The following SEMA6D variants were observed in gnomAD, a reference collection of about 807,000 sequenced individuals.
SEMA6D encodes the protein semaphorin 6D.
Under a neutral mutation model 106.6 loss-of-function variants are expected in SEMA6D, and 35 were observed. That is an observed-to-expected ratio of 0.33 (90% CI 0.25 to 0.44). The LOEUF is 0.44. SEMA6D is among the 20% of genes least tolerant of loss of function. The pLI is 1.00. For missense variants in SEMA6D, 1,185 were observed against 1,345.9 expected, an observed-to-expected ratio of 0.88 and a Z score of 1.87; for synonymous variants, 499 against 487.7, an observed-to-expected ratio of 1.02 and a Z score of -0.31.
chr15:47,434,884 C>T (rs1017064569), intron 2 of SEMA6D, among the ~76,000 whole-genome samples: 1 of 152,050 alleles, frequency 6.6e-6, no homozygotes, highest in African/African-American at 2.4e-5. Context: ...ATGGGGCCGT[C>T]CTTTGACCTT....
rs2082616023 is a variant in SEMA6D at position 47,771,317 on chromosome 15, C to A, written c.2754C>A (p.Val918=). The change falls in exon 19 of 19, where the codon GTC becomes GTA. Residue 918 remains valine, a synonymous_variant. Transcript: ENST00000536845. ...MLDPMGSMSE[V]PPKVPNREAS... is the part of the protein sequence containing the mutation. The stretch of plus-strand genomic sequence containing the variant: ...ATCCCATGGGATCGATGTCTGAGGT[C>A]CCACCTAAAGTCCCTAACCGGGAGG... 2 of 1,613,970 alleles carry A rather than the reference C, an allele frequency of 1.2e-6. No homozygotes were observed. Among genetic ancestry groups the A allele is most frequent in the South Asian group, 1.1e-5 (1 of 91,066 alleles).
chr15:47,213,052 G>T (rs147216976), intron 1 of SEMA6D, among the ~76,000 whole-genome samples: 1 of 131,994 alleles, frequency 7.6e-6, no homozygotes, highest in Non-Finnish European at 1.7e-5. Flanking sequence ...CTATCCAAGA[G>T]AACTTTCTGA....
chr15:47,664,181 C>T (rs1006820463), intron 4 of SEMA6D, among the ~76,000 whole-genome samples: 2 of 152,290 alleles, frequency 1.3e-5, no homozygotes, highest in Middle Eastern at 3.4e-3. Flanking sequence ...GCTCAACTAT[C>T]ATACATTTAT....
intron 1 of SEMA6D, among the ~76,000 whole-genome samples, chr15:47,294,776 A>G (rs907504735): frequency 1.3e-5 from 2 of 152,152 alleles, no homozygotes; most frequent in Admixed American, 6.6e-5. Flanking sequence ...TATAATTGAA[A>G]GGCTACCTAT....
At chr15:47,437,665 C>A (rs2041762638) in intron 2 of SEMA6D, among the ~76,000 whole-genome samples, 1 of 152,100 alleles carries the variant, frequency 6.6e-6, no homozygotes, top group South Asian at 2.1e-4. Flanking sequence ...CTGTCATTTT[C>A]TCTGACTAAA....
chr15:47,408,884 A>C (rs1181221966), intron 1 of SEMA6D, among the ~76,000 whole-genome samples: 1 of 152,234 alleles, frequency 6.6e-6, no homozygotes, highest in Non-Finnish European at 1.5e-5. Flanking sequence ...GCACACAGGC[A>C]GGAGTGCAGC....
At chr15:47,353,878 T>G (rs889832620) in intron 1 of SEMA6D, among the ~76,000 whole-genome samples, 1 of 152,176 alleles carries the variant, frequency 6.6e-6, no homozygotes, top group Non-Finnish European at 1.5e-5. Flanking sequence ...TTTTCCTTTT[T>G]TATTGAAAGC....
intron 1 of SEMA6D, among the ~76,000 whole-genome samples, chr15:47,724,313 G>A (rs2079602554): frequency 6.6e-6 from 1 of 152,204 alleles, no homozygotes. Flanking sequence ...GTGGGTACAG[G>A]GCAGGAGAGG....
At chr15:47,485,253 C>T (rs2043265112) in intron 3 of SEMA6D, among the ~76,000 whole-genome samples, 1 of 152,116 alleles carries the variant, frequency 6.6e-6, no homozygotes, top group Non-Finnish European at 1.5e-5. Flanking sequence ...ATTTATAGGT[C>T]CATATTAAAG....
intron 3 of SEMA6D, among the ~76,000 whole-genome samples, chr15:47,591,288 A>G (rs1267114839): frequency 6.6e-6 from 1 of 152,226 alleles, no homozygotes; most frequent in East Asian, 1.9e-4. Context: ...TGAAGTCCCC[A>G]CCTCTTAATA....
chr15:47,518,723 CAGTG>C (rs1566851459), intron 3 of SEMA6D, among the ~76,000 whole-genome samples: 1 of 152,166 alleles, frequency 6.6e-6, no homozygotes, highest in African/African-American at 2.4e-5. Flanking sequence ...CTGGGTGAGT[CAGTG>C]AGTGAGTGGT....
intron 1 of SEMA6D, among the ~76,000 whole-genome samples, chr15:47,281,263 A>ATC (rs1182911185): frequency 7.6e-6 from 1 of 132,120 alleles, no homozygotes; most frequent in Non-Finnish European, 1.6e-5. Flanking sequence ...TGTTGAATTG[A>ATC]TCCCTTTACC....
chr15:47,351,319 A>G (rs996223794), intron 1 of SEMA6D, among the ~76,000 whole-genome samples: 1 of 152,182 alleles, frequency 6.6e-6, no homozygotes, highest in Non-Finnish European at 1.5e-5. Flanking sequence ...TAAACTATTA[A>G]TTGAGTTCTA....
At chr15:47,696,542 C>T (rs779894416) in intron 4 of SEMA6D, among the ~76,000 whole-genome samples, 1 of 152,146 alleles carries the variant, frequency 6.6e-6, no homozygotes, top group African/African-American at 2.4e-5. Context: ...TGTCTTGCTG[C>T]CAAAGATGAA....
intron 4 of SEMA6D, among the ~76,000 whole-genome samples, chr15:47,661,519 C>T (rs1202491469): frequency 6.6e-6 from 1 of 152,192 alleles, no homozygotes; most frequent in African/African-American, 2.4e-5. Context: ...CTGGCTTCTC[C>T]CATTCTCTCC....
chr15:47,258,218 CT>C (rs1566956092), intron 1 of SEMA6D, among the ~76,000 whole-genome samples: 5 of 152,220 alleles, frequency 3.3e-5, no homozygotes, highest in Admixed American at 2.6e-4. Flanking sequence ...CAGTGCCAAT[CT>C]TTTTTTGATG....
At chr15:47,608,290 A>G (rs541084269) in intron 4 of SEMA6D, among the ~76,000 whole-genome samples, 3 of 152,262 alleles carry the variant, frequency 2.0e-5, no homozygotes, top group Admixed American at 6.5e-5. Flanking sequence ...TGGCAATTAT[A>G]TTTTCTAGAT....
chr15:47,745,136 C>T (rs981615897), intron 1 of SEMA6D, among the ~76,000 whole-genome samples: 3 of 152,190 alleles, frequency 2.0e-5, no homozygotes, highest in Non-Finnish European at 4.4e-5. Context: ...GGGTTTGAAG[C>T]GTAATTATCT....
chr15:47,660,561 C>T (rs527252236), intron 4 of SEMA6D, among the ~76,000 whole-genome samples: 21 of 152,190 alleles, frequency 1.4e-4, no homozygotes, highest in African/African-American at 5.1e-4. Flanking sequence ...GATAGATAAA[C>T]AAGTAACTAT....
Sources: allele counts gnomAD v4.1 joint callset (sites outside exome capture counted in the v4.1 genomes callset), GRCh38; gene constraint gnomAD v4.1.1; transcripts MANE v1.5; gene names NCBI Gene and HGNC (gene_info 2026-07-23, HGNC 2026-07-21).